Variants in MAPK9 observed in about 807,000 individuals in gnomAD.
MAPK9 encodes the protein mitogen-activated protein kinase 9.
Under a neutral mutation model 57.1 loss-of-function variants are expected in MAPK9, and 30 were observed. The observed-to-expected ratio is 0.53, with a 90% CI of 0.39 to 0.71. The LOEUF is 0.71. MAPK9 is among the 30% of genes least tolerant of loss of function. MAPK9 has a pLI of 0.00. For missense variants in MAPK9, 362 were observed against 521.0 expected, an observed-to-expected ratio of 0.69 and a Z score of 2.97; for synonymous variants, 155 against 177.0, an observed-to-expected ratio of 0.88 and a Z score of 0.99.
At chr5:180,279,763 G>A in intron 2 of MAPK9, 1 of 445,266 alleles carries the variant, frequency 2.2e-6, no homozygotes, top group Non-Finnish European at 4.6e-6. Flanking sequence ...AGTGCTGATA[G>A]CTGCAGTCTA....
At chr5:180,284,195 G>C (rs1762545099) in intron 1 of MAPK9, among the ~76,000 whole-genome samples, 1 of 152,196 alleles carries the variant, frequency 6.6e-6, no homozygotes, top group Admixed American at 6.5e-5. Context: ...AAATCGGGAA[G>C]TACAAGAATT....
At chr5:180,268,077 G>A (rs1760853901) in intron 3 of MAPK9, among the ~76,000 whole-genome samples, 1 of 152,004 alleles carries the variant, frequency 6.6e-6, no homozygotes, top group Non-Finnish European at 1.5e-5. Flanking sequence ...ACCCGCCTCG[G>A]CCTCCTAAAG....
At chr5:180,284,824 AATGTGGAAAG>A (rs1762600842) in intron 1 of MAPK9, among the ~76,000 whole-genome samples, 3 of 152,198 alleles carry the variant, frequency 2.0e-5, no homozygotes, top group Non-Finnish European at 1.5e-5. Flanking sequence ...TTTATGTATC[AATGTGGAAAG>A]ATGTCTAAGA....
chr5:180,258,576 TG>T (rs987805406), intron 5 of MAPK9, among the ~76,000 whole-genome samples: 13 of 152,156 alleles, frequency 8.5e-5, no homozygotes, highest in African/African-American at 3.1e-4. Flanking sequence ...GTAAAAAATG[TG>T]GCAAAGCCTT....
Position 180,247,315 on chromosome 5 carries a change from C to G in MAPK9, c.688+124G>C. The G allele has an allele frequency of 1.9e-6, 2 of 1,026,872 alleles. No individual in the cohort carries two copies. The highest frequency in any genetic ancestry group is 2.5e-5 in the East Asian group (1 of 40,328). The allele number at this position is 1,026,872 out of a possible 1,614,324, so 63.6% of individuals were successfully genotyped here. A position where few individuals can be genotyped will look rare whatever the true frequency, so the allele number is the denominator to read the frequency against. On this transcript the variant is annotated intron_variant, in intron 7 of 11. Coordinates refer to ENST00000452135, the MANE Select transcript of MAPK9 (RefSeq NM_002752.5). The surrounding 1 kb of genome is among the most constrained non-coding windows in gnomAD (Gnocchi z 4.5). ...TAATTAACAAATACAGTAAAGCCCCCCTTAGAACACAGTCTGGAGTGGATT... is the reference window on the plus strand; with the variant it reads ...TAATTAACAAATACAGTAAAGCCCCGCTTAGAACACAGTCTGGAGTGGATT...
chr5:180,283,568 A>G (rs1762489770), intron 1 of MAPK9, among the ~76,000 whole-genome samples: 1 of 152,252 alleles, frequency 6.6e-6, no homozygotes, highest in Admixed American at 6.5e-5. Context: ...GACTATGACA[A>G]TATTAGGTTA....
intron 1 of MAPK9, among the ~76,000 whole-genome samples, chr5:180,283,245 G>A (rs934774100): frequency 2.0e-5 from 3 of 152,218 alleles, no homozygotes; most frequent in African/African-American, 7.2e-5. Context: ...ACCAAGTTCT[G>A]ACTAATAAGA....
At chr5:180,260,125 T>C (rs932471431) in intron 5 of MAPK9, among the ~76,000 whole-genome samples, 1 of 152,206 alleles carries the variant, frequency 6.6e-6, no homozygotes, top group African/African-American at 2.4e-5. Context: ...GGAAAAATTC[T>C]ATGCATGTAA....
At chr5:180,288,634 T>G (rs955308591) in intron 1 of MAPK9, among the ~76,000 whole-genome samples, 2 of 152,188 alleles carry the variant, frequency 1.3e-5, no homozygotes, top group Non-Finnish European at 2.9e-5. Flanking sequence ...GCAGACCCAC[T>G]GGGAGTCTGA....
At position 180,280,594 on chromosome 5, in the gene MAPK9, G is replaced by C. The variant is rs769337226; in HGVS notation, c.-33C>G. On this transcript the variant is annotated 5_prime_UTR_variant, in exon 2 of 12. Coordinates refer to ENST00000452135, the MANE Select transcript of MAPK9 (RefSeq NM_002752.5). The stretch of plus-strand genomic sequence containing the variant: ...CGTCCTGCAATATCCCGAAGGGTGG[G>C]CAAGTTTCAGATCCCTTCAAAGAAA... 6.2e-7 allele frequency: 1 copy of C among 1,601,760 alleles called. No individual in the cohort carries two copies. The highest frequency in any genetic ancestry group is 1.1e-5 in the South Asian group (1 of 89,270).
At chr5:180,279,741 A>G in intron 2 of MAPK9, 1 of 425,606 alleles carries the variant, frequency 2.3e-6, no homozygotes, top group Non-Finnish European at 4.8e-6. Context: ...ATAAGGGGTA[A>G]AAAGTGTGGG....
At chr5:180,252,273 G>T (rs1758792223) in intron 5 of MAPK9, among the ~76,000 whole-genome samples, 1 of 152,136 alleles carries the variant, frequency 6.6e-6, no homozygotes, top group African/African-American at 2.4e-5. Context: ...GGATGCATTT[G>T]CCCCATCAAC....
Position 180,236,429 on chromosome 5 carries a change from G to A in MAPK9, c.1230C>T (p.Asp410=), listed in dbSNP as rs772288463. The change falls in exon 12 of 12, where the codon GAC becomes GAT. Residue 410 remains aspartate (D), a synonymous_variant. Transcript: ENST00000452135. ...GTCCCGTCGAGGCATCAAGACTGCT[G>A]TCTGTGTCTGAGGCCAGCGTCTGCT... ...STEQTLASDT[D]SSLDASTGPL... is the part of the protein sequence containing the mutation. 7 of 1,613,810 alleles carry A rather than the reference G, an allele frequency of 4.3e-6. No individual in the cohort carries two copies. The East Asian group carries it at 1.6e-4, about 36-fold the overall frequency.
rs2127581181 is a variant in MAPK9 at position 180,247,335 on chromosome 5, T to A, written c.688+104A>T. The A allele has an allele frequency of 5.5e-6, 7 of 1,276,272 alleles. No homozygotes were observed. Among genetic ancestry groups the A allele is most frequent in the Non-Finnish European group, 8.0e-6 (7 of 878,382 alleles). 79.1% of individuals were successfully genotyped at this position (1,276,272 alleles called of 1,614,324 possible). The stretch of plus-strand genomic sequence containing the variant: ...GCCCCCCTTAGAACACAGTCTGGAG[T>A]GGATTTTACGACTTTGTCCTCGTGA... On this transcript the variant is annotated intron_variant, in intron 7 of 11. Transcript: ENST00000452135. This position sits in a 1 kb window ranked among gnomAD's most constrained non-coding sequence, Gnocchi z 4.5.
rs759628339 is a variant in MAPK9, at chr5:180,244,377, C to T, written c.689-1622G>A. Among the ~76,000 whole-genome samples the T allele has an allele frequency of 3.3e-5, 5 of 152,296 alleles. No individual in the cohort carries two copies. The East Asian group carries it at 5.8e-4, about 18-fold the overall frequency. On this transcript the variant is annotated intron_variant, in intron 7 of 11. Transcript: ENST00000452135. ...TGCACTCTACCAATACATTCCACCA[C>T]GTTGGTAAATGATGGTGTTTTCTCC...
At chr5:180,269,161 A>G in intron 3 of MAPK9, 119 bp downstream of exon 3, 1 of 1,092,144 alleles carries the variant, frequency 9.2e-7, no homozygotes, top group Admixed American at 2.3e-5. Context: ...CAATGTTAAT[A>G]GCCATTTTTA....
Position 180,241,158 on chromosome 5 carries a change from A to T in MAPK9, c.872-3T>A. 1 of 1,610,794 alleles carries T rather than the reference A, an allele frequency of 6.2e-7. No homozygotes were observed. Among genetic ancestry groups the T allele is most frequent in the South Asian group, 1.1e-5 (1 of 90,398 alleles). On this transcript the variant is annotated splice_region_variant and splice_polypyrimidine_tract_variant and intron_variant, in intron 8 of 11. Coordinates refer to ENST00000452135, the MANE Select transcript of MAPK9 (RefSeq NM_002752.5). The stretch of plus-strand genomic sequence containing the variant: ...TAACAGATCTCTGGCTTGACTTGCT[A>T]GGGTGACAACAAATATTAAATTAAT...
At position 180,247,962 on chromosome 5, in the gene MAPK9, TC is replaced by T. The variant is rs774115741; in HGVS notation, c.617-453del. Reference sequence around the variant, plus strand: ...CCAGGGGATTAAAAACCAGCTAGAGTCCCCCATCTTTTTTCTTCAAACCCCC... The same window carrying T: ...CCAGGGGATTAAAAACCAGCTAGAGTCCCCATCTTTTTTCTTCAAACCCCC... On this transcript the variant is annotated intron_variant, in intron 6 of 11. Transcript: ENST00000452135. This position sits in a 1 kb window ranked among gnomAD's most constrained non-coding sequence, Gnocchi z 4.5. The T allele has an allele frequency of 1.3e-6, 2 of 1,594,884 alleles. No individual in the cohort carries two copies. Among genetic ancestry groups the T allele is most frequent in the Non-Finnish European group, 1.7e-6 (2 of 1,170,252 alleles).
chr5:180,265,447 G>C (rs900826250), intron 3 of MAPK9, among the ~76,000 whole-genome samples: 1 of 152,190 alleles, frequency 6.6e-6, no homozygotes, highest in Non-Finnish European at 1.5e-5. Context: ...CTGTTCTTGT[G>C]ACAGTGAGTG....
Sources: allele counts gnomAD v4.1 joint callset (sites outside exome capture counted in the v4.1 genomes callset), GRCh38; gene constraint gnomAD v4.1.1; non-coding constraint Gnocchi (gnomAD v3.1); transcripts MANE v1.5; gene names NCBI Gene and HGNC (gene_info 2026-07-23, HGNC 2026-07-21).